The following SOX5 variants were observed in gnomAD, a reference collection of about 807,000 sequenced individuals.
SOX5 encodes transcription factor SOX-5.
Under a neutral mutation model 92.0 loss-of-function variants are expected in SOX5, and 9 were observed. The ratio of observed to expected loss-of-function variants is 0.10; its 90% confidence interval spans 0.06 to 0.17. SOX5 has a LOEUF of 0.17. Ranked by LOEUF, SOX5 falls within the 10% of genes least tolerant of loss-of-function variation. SOX5 has a pLI of 1.00. For missense variants in SOX5, 642 were observed against 944.5 expected, an observed-to-expected ratio of 0.68 and a Z score of 4.20; for synonymous variants, 344 against 336.3, an observed-to-expected ratio of 1.02 and a Z score of -0.25.
intron 9 of SOX5, 112 bp from the exon 10 acceptor site, chr12:23,575,950 T>G: frequency 1.3e-6 from 1 of 746,044 alleles, no homozygotes; most frequent in South Asian, 2.0e-5. Context: ...TACCAATCAG[T>G]GATCTTAACA....
At chr12:23,944,817 C>T (rs1329655677) in intron 1 of SOX5, among the ~76,000 whole-genome samples, 2 of 152,072 alleles carry the variant, frequency 1.3e-5, no homozygotes, top group African/African-American at 4.8e-5. Flanking sequence ...TTGGGTTAAA[C>T]CTTTGAAAAT....
At chr12:24,101,717 G>A (rs1232681424) in intron 4 of SOX5, among the ~76,000 whole-genome samples, 1 of 152,146 alleles carries the variant, frequency 6.6e-6, no homozygotes, top group Non-Finnish European at 1.5e-5. Context: ...GGCAAAATGT[G>A]ATTTCCAACC....
intron 11 of SOX5, among the ~76,000 whole-genome samples, chr12:23,556,947 A>T (rs145883393): frequency 1.6e-4 from 25 of 152,350 alleles, no homozygotes; most frequent in Non-Finnish European, 3.4e-4. Context: ...TGATGGATGT[A>T]AAATTATTAC....
At chr12:23,943,665 A>G (rs930875461) in intron 1 of SOX5, among the ~76,000 whole-genome samples, 4 of 152,136 alleles carry the variant, frequency 2.6e-5, no homozygotes, top group African/African-American at 9.6e-5. Context: ...AAATGTATTA[A>G]CACTAGAGAG....
chr12:24,075,535 T>C (rs1942458701), intron 4 of SOX5, among the ~76,000 whole-genome samples: 1 of 152,120 alleles, frequency 6.6e-6, no homozygotes, highest in Admixed American at 6.6e-5. Flanking sequence ...CAGACAGATA[T>C]ATAAGGGGTA....
Position 23,533,535 on chromosome 12 carries a change from G to A in SOX5, c.*684C>T, listed in dbSNP as rs1372141593. On this transcript the variant is annotated 3_prime_UTR_variant, in exon 15 of 15. Transcript: ENST00000451604. ...CAAAGATGTAGTGTGGTGTGCAATA[G>A]ATAAAGTCCTCTAAAGAAAATAATT... is the stretch of plus-strand genomic sequence containing the variant. 1 of 160,194 alleles carries A rather than the reference G, an allele frequency of 6.2e-6. No homozygotes were observed. The highest frequency in any genetic ancestry group is 1.4e-5 in the Non-Finnish European group (1 of 72,700). 9.9% of individuals were successfully genotyped at this position (160,194 alleles called of 1,614,324 possible). A position where few individuals can be genotyped will look rare whatever the true frequency, so the allele number is the denominator to read the frequency against.
intron 2 of SOX5, among the ~76,000 whole-genome samples, chr12:24,288,529 A>G (rs1248470026): frequency 1.3e-5 from 2 of 151,214 alleles, no homozygotes; most frequent in Admixed American, 6.6e-5. Context: ...GACAGAGGTC[A>G]CCGTTACTGA....
chr12:24,422,442 G>C (rs1426671516), intron 1 of SOX5, among the ~76,000 whole-genome samples: 1 of 152,106 alleles, frequency 6.6e-6, no homozygotes, highest in Admixed American at 6.5e-5. Context: ...CCCCAGCCTG[G>C]GAGATCATGG....
chr12:24,162,490 A>T (rs1213902409), intron 4 of SOX5, among the ~76,000 whole-genome samples: 3 of 152,180 alleles, frequency 2.0e-5, no homozygotes, highest in Non-Finnish European at 4.4e-5. Flanking sequence ...TGGATACATT[A>T]GTCTAAATGC....
intron 2 of SOX5, among the ~76,000 whole-genome samples, chr12:23,882,449 A>AGGC: frequency 1.3e-5 from 2 of 152,174 alleles, no homozygotes; most frequent in Admixed American, 6.5e-5. Context: ...AGCCTTTAGG[A>AGGC]TGTTCATGCA....
chr12:23,851,690 G>A (rs1229301992), intron 2 of SOX5, among the ~76,000 whole-genome samples: 1 of 151,636 alleles, frequency 6.6e-6, no homozygotes, highest in Non-Finnish European at 1.5e-5. Context: ...AATAAGAGAG[G>A]TACTTTTGTT....
intron 4 of SOX5, among the ~76,000 whole-genome samples, chr12:24,095,420 CTTAT>C (rs146858914): frequency 0.13 from 17,796 of 140,092 alleles, 1,190 homozygotes; most frequent in Middle Eastern, 0.19. Flanking sequence ...TGCCCTCTCC[CTTAT>C]TTATTTATTT....
intron 11 of SOX5, among the ~76,000 whole-genome samples, chr12:23,548,012 G>C (rs982521743): frequency 6.6e-6 from 1 of 152,012 alleles, no homozygotes; most frequent in Non-Finnish European, 1.5e-5. Flanking sequence ...AGTTACATTT[G>C]AAAACACACG....
chr12:24,410,505 G>T (rs923450925), intron 1 of SOX5, among the ~76,000 whole-genome samples: 2 of 152,122 alleles, frequency 1.3e-5, no homozygotes, highest in Non-Finnish European at 2.9e-5. Context: ...TAGGTCAAGG[G>T]TTTTTTTGTT....
chr12:24,332,541 C>T (rs1364772893), intron 2 of SOX5, among the ~76,000 whole-genome samples: 1 of 151,624 alleles, frequency 6.6e-6, no homozygotes, highest in Non-Finnish European at 1.5e-5. Context: ...AGAGACCTAA[C>T]ATAACAGGCT....
chr12:23,823,367 C>T (rs574225392), intron 3 of SOX5, among the ~76,000 whole-genome samples: 1 of 152,288 alleles, frequency 6.6e-6, no homozygotes, highest in East Asian at 1.9e-4. Flanking sequence ...TTCTCCTTCA[C>T]TTATAAAGCT....
At chr12:23,626,650 T>C (rs1261295050) in intron 8 of SOX5, among the ~76,000 whole-genome samples, 1 of 150,354 alleles carries the variant, frequency 6.7e-6, no homozygotes, top group Non-Finnish European at 1.5e-5. Flanking sequence ...ATTTCTGGGC[T>C]CTTGGCTGCT....
At chr12:24,422,445 G>A (rs1384327227) in intron 1 of SOX5, among the ~76,000 whole-genome samples, 2 of 152,164 alleles carry the variant, frequency 1.3e-5, no homozygotes, top group African/African-American at 2.4e-5. Flanking sequence ...CAGCCTGGGA[G>A]ATCATGGAAG....
chr12:24,308,950 T>C (rs1159266623), intron 2 of SOX5, among the ~76,000 whole-genome samples: 1 of 152,080 alleles, frequency 6.6e-6, no homozygotes, highest in African/African-American at 2.4e-5. Flanking sequence ...TCCCATACCA[T>C]TTTGTACCTT....
Sources: gnomAD v4.1 joint callset for allele counts (sites outside exome capture counted in the v4.1 genomes callset) on GRCh38, gnomAD v4.1.1 for gene constraint, MANE v1.5 for transcripts, NCBI Gene and HGNC (gene_info 2026-07-23, HGNC 2026-07-21) for gene names.